KREMEN1: variants seen among roughly 807,000 people sequenced by gnomAD.
The protein encoded by KREMEN1 is kremen protein 1.
KREMEN1 carries 30 observed loss-of-function variants against 46.5 expected under a neutral mutation model. The observed-to-expected ratio is 0.65, with a 90% CI of 0.48 to 0.88. The LOEUF (loss-of-function observed/expected upper bound fraction) is 0.88. Among genes scored for constraint, KREMEN1 ranks in the 40% least tolerant of loss-of-function variants. The probability of loss-of-function intolerance (pLI) is 0.00; values close to 1 mark genes in which losing one functional copy is unlikely to be tolerated. For missense variants in KREMEN1, 533 were observed against 596.9 expected (o/e 0.89, Z 1.11); for synonymous variants, 214 against 230.6 (o/e 0.93, Z 0.65).
chr22:29,131,260 A>G (rs1250963084), intron 5 of KREMEN1, among the ~76,000 whole-genome samples: 1 of 152,050 alleles, frequency 6.6e-6, no homozygotes, highest in Non-Finnish European at 1.5e-5. Context: ...CATAGTTAGT[A>G]CATGGTGAAG....
rs2038683326 is a variant in KREMEN1 at position 29,137,480 on chromosome 22, G to C, written c.770G>C (p.Ser257Thr). ...RVPGASHIHF[S>T]FPLFDIRDSA... ...CCGGGGGCCTCCCACATCCACTTCA[G>C]CTTCCCCCTATTTGACATCAGGGAC... Residue 257 changes from serine (S) to threonine (T), a missense_variant, in exon 6 of 9, where the codon AGC (serine) becomes ACC (threonine). Physicochemically the swap from Ser to Thr is moderately conservative, Grantham distance 58 (BLOSUM62 1). Coordinates refer to ENST00000400335, the MANE Select transcript of KREMEN1 (RefSeq NM_001039570.3). The C allele has an allele frequency of 1.2e-6, 2 of 1,608,152 alleles. No homozygotes were observed. The highest frequency in any genetic ancestry group is 8.5e-7 in the Non-Finnish European group (1 of 1,175,056).
chr22:29,131,259 TAC>T, intron 5 of KREMEN1, among the ~76,000 whole-genome samples: 1 of 152,178 alleles, frequency 6.6e-6, no homozygotes. Flanking sequence ...TCATAGTTAG[TAC>T]ATGGTGAAGT....
chr22:29,077,161 A>C (rs2037585804), intron 1 of KREMEN1, among the ~76,000 whole-genome samples: 1 of 152,196 alleles, frequency 6.6e-6, no homozygotes, highest in Non-Finnish European at 1.5e-5. Flanking sequence ...CTGATAATCT[A>C]GGTCAGGTGT....
rs2038709686 is a variant in KREMEN1 at position 29,138,688 on chromosome 22, G to A, written c.1029G>A (p.Thr343=). Residue 343 remains threonine, a synonymous_variant, in exon 7 of 9, where the codon ACG becomes ACA. Transcript: ENST00000400335. ...ACCAGACGGTGGCCGAGGTGATCAC[G>A]GAGCAGGCCAACCTCAGTGTCAGCG... The part of the protein sequence containing the change: ...AVNQTVAEVI[T]EQANLSVSAA... 1.2e-6 allele frequency: 2 copies of A among 1,614,188 alleles called. No homozygotes were observed. The highest frequency in any genetic ancestry group is 1.7e-6 in the Non-Finnish European group (2 of 1,180,036).
chr22:29,143,183 C>G lies in KREMEN1; in HGVS notation c.*1071C>G. On this transcript the variant is annotated 3_prime_UTR_variant, in exon 9 of 9. Coordinates refer to ENST00000400335, the MANE Select transcript of KREMEN1 (RefSeq NM_001039570.3). ...CAAAACACAAATAAACAAAAAAAATCCATTCATTTACTCATGCAATAAATT... is the reference window on the plus strand; with the variant it reads ...CAAAACACAAATAAACAAAAAAAATGCATTCATTTACTCATGCAATAAATT... 1.0e-6 allele frequency: 1 copy of G among 984,878 alleles called. No individual in the cohort carries two copies. The highest frequency in any genetic ancestry group is 1.2e-6 in the Non-Finnish European group (1 of 829,650). The allele number at this position is 984,878 out of a possible 1,614,324, so 61.0% of individuals were successfully genotyped here. A position where few individuals can be genotyped will look rare whatever the true frequency, so the allele number is the denominator to read the frequency against.
intron 5 of KREMEN1, among the ~76,000 whole-genome samples, chr22:29,134,365 C>G (rs2038622797): frequency 6.6e-6 from 1 of 152,104 alleles, no homozygotes; most frequent in African/African-American, 2.4e-5. Flanking sequence ...CTGTGTTCCT[C>G]AGGCTGGTTT....
In KREMEN1 at chr22:29,073,992, G is replaced by A. The variant is rs1320776158; in HGVS notation, c.97+765G>A. 6.6e-6 allele frequency among the ~76,000 whole-genome samples: 1 copy of A among 152,044 alleles called. No homozygotes were observed. Among genetic ancestry groups the A allele is most frequent in the African/African-American group, 2.4e-5 (1 of 41,386 alleles). ...CCCTGAGCCTCACTGCGACGCCCCC[G>A]CGTCCCCCAGTCCTCTCCTCCCGCC... On this transcript the variant is annotated intron_variant, in intron 1 of 8. Coordinates refer to ENST00000400335, the MANE Select transcript of KREMEN1 (RefSeq NM_001039570.3). The surrounding 1 kb of genome is among the most constrained non-coding windows in gnomAD (Gnocchi z 4.4).
chr22:29,149,809 T>C (rs1266467889), downstream of KREMEN1, among the ~76,000 whole-genome samples: 1 of 152,132 alleles, frequency 6.6e-6, no homozygotes, highest in Non-Finnish European at 1.5e-5. Context: ...GATGCAGATA[T>C]TGGAGAATCC....
rs546226308 is a variant in KREMEN1, at chr22:29,145,700, C to T, written c.*3588C>T. ...GAGTAGGAGTGAACCCGAGTGACTT[C>T]ACCCGCCCTGTCCCCCACGTCAGGA... On this transcript the variant is annotated 3_prime_UTR_variant, in exon 9 of 9. Transcript: ENST00000400335. 3.2e-5 allele frequency: 32 copies of T among 985,540 alleles called. No homozygotes were observed. In the South Asian group the frequency reaches 6.1e-4, roughly 19 times the overall value. The allele number at this position is 985,540 out of a possible 1,614,324, so 61.0% of individuals were successfully genotyped here. A position where few individuals can be genotyped will look rare whatever the true frequency, so the allele number is the denominator to read the frequency against.
chr22:29,087,127 A>G (rs1419521794), intron 1 of KREMEN1, among the ~76,000 whole-genome samples: 2 of 152,196 alleles, frequency 1.3e-5, no homozygotes, highest in African/African-American at 4.8e-5. Context: ...CAAGTTTCAT[A>G]GACTTTTTTA....
At position 29,143,572 on chromosome 22, in the gene KREMEN1, C is replaced by T. The variant is rs550047332; in HGVS notation, c.*1460C>T. ...CCTGGCTAAGATGGTGAAACCCCGT[C>T]TCTACTAAAAATACAAAAAATTAGC... On this transcript the variant is annotated 3_prime_UTR_variant, in exon 9 of 9. Transcript: ENST00000400335. 3 of 722,096 alleles carry T rather than the reference C, an allele frequency of 4.2e-6. No individual in the cohort carries two copies. In the South Asian group the frequency reaches 1.9e-4, roughly 45 times the overall value. 44.7% of individuals were successfully genotyped at this position (722,096 alleles called of 1,614,324 possible). A position where few individuals can be genotyped will look rare whatever the true frequency, so the allele number is the denominator to read the frequency against.
At chr22:29,119,161 A>G (rs1010057732) in intron 3 of KREMEN1, among the ~76,000 whole-genome samples, 18 of 152,202 alleles carry the variant, frequency 1.2e-4, no homozygotes, top group African/African-American at 4.3e-4. Flanking sequence ...CAGCCTGAGC[A>G]ACATAGTGAG....
intron 5 of KREMEN1, among the ~76,000 whole-genome samples, chr22:29,126,198 T>C (rs1259501343): frequency 1.3e-4 from 20 of 151,858 alleles, no homozygotes; most frequent in Admixed American, 1.2e-3. Flanking sequence ...GGAGGTGCGC[T>C]ACTGGCATCT....
intron 5 of KREMEN1, among the ~76,000 whole-genome samples, chr22:29,133,262 GA>G (rs1223328460): frequency 3.4e-5 from 4 of 116,514 alleles, no homozygotes; most frequent in African/African-American, 1.3e-4. Context: ...AAAAAAAAAA[GA>G]AAAAAGAAAA....
intron 1 of KREMEN1, among the ~76,000 whole-genome samples, chr22:29,080,436 G>A (rs1349558266): frequency 6.6e-6 from 1 of 150,866 alleles, no homozygotes; most frequent in Admixed American, 6.6e-5. Context: ...GTCTTCAAAG[G>A]CTGGGTGCGA....
chr22:29,104,718 C>T (rs1402530124), intron 3 of KREMEN1, among the ~76,000 whole-genome samples: 2 of 151,892 alleles, frequency 1.3e-5, no homozygotes, highest in East Asian at 3.9e-4. Flanking sequence ...ACCAGCCTGG[C>T]CAACATCTCT....
chr22:29,102,682 G>A (rs8140459), intron 3 of KREMEN1, among the ~76,000 whole-genome samples: 7 of 152,096 alleles, frequency 4.6e-5, no homozygotes, highest in African/African-American at 1.4e-4. Context: ...GCTATAAACC[G>A]CTTAGTATGC....
intron 9 of KREMEN1, among the ~76,000 whole-genome samples, chr22:29,162,855 C>T (rs117019960): frequency 3.4e-3 from 515 of 152,290 alleles, no homozygotes; most frequent in Admixed American, 8.7e-3. Context: ...AAGGAATCAA[C>T]GTAGGTGCCC....
At chr22:29,106,955 G>A (rs1394732230) in intron 3 of KREMEN1, among the ~76,000 whole-genome samples, 1 of 152,124 alleles carries the variant, frequency 6.6e-6, no homozygotes, top group Admixed American at 6.6e-5. Flanking sequence ...TAAGCCCCAG[G>A]AGTAAAGCAG....
Sources: gnomAD v4.1 joint callset for allele counts (sites outside exome capture counted in the v4.1 genomes callset) on GRCh38, gnomAD v4.1.1 for gene constraint, Gnocchi (gnomAD v3.1) non-coding constraint, MANE v1.5 for transcripts, NCBI Gene and HGNC (gene_info 2026-07-23, HGNC 2026-07-21) for gene names.